Variants in NUMA1 observed in about 807,000 individuals in gnomAD.
The protein encoded by NUMA1 is nuclear mitotic apparatus protein 1.
Under a neutral mutation model 237.1 loss-of-function variants are expected in NUMA1, and 62 were observed. The observed-to-expected ratio is 0.26, with a 90% confidence interval of 0.21 to 0.32. NUMA1 has a LOEUF of 0.32. Ranked by LOEUF, NUMA1 falls within the 10% of genes least tolerant of loss-of-function variation. The pLI, the probability that NUMA1 is intolerant of heterozygous loss-of-function variation, is 1.00. For synonymous variants in NUMA1, 1,028 were observed against 1,066.1 expected (o/e 0.96, Z 0.70); for missense variants, 2,533 against 2,666.5 (o/e 0.95, Z 1.10).
chr11:72,013,640 G>C lies in NUMA1; in HGVS notation c.3863C>G (p.Ser1288Cys). Residue 1288 changes from serine (S) to cysteine (C), a missense_variant, in exon 15 of 27, where the codon TCT (serine) becomes TGT (cysteine). This residue lies in a region of NUMA1 where 324 missense variants were observed against 407.6 expected (regional missense o/e 0.79). Coordinates refer to ENST00000393695, the MANE Select transcript of NUMA1 (RefSeq NM_006185.4). The surrounding 1 kb of genome is among the most constrained non-coding windows in gnomAD (Gnocchi z 6.8). ...GCTCTGCACCTCCTCCCGCAGAGCA[G>C]AGCTGCGTTCTGCAGCTCTGGCACT... ...SNSARAAERSSALREEVQSLR... is the reference protein window; with the variant it reads ...SNSARAAERSCALREEVQSLR... The C allele has an allele frequency of 6.2e-7, 1 of 1,610,086 alleles. No individual in the cohort carries two copies. The highest frequency in any genetic ancestry group is 8.5e-7 in the Non-Finnish European group (1 of 1,179,968).
At chr11:72,069,487 C>T (rs1391100608) in intron 2 of NUMA1, among the ~76,000 whole-genome samples, 1 of 152,182 alleles carries the variant, frequency 6.6e-6, no homozygotes, top group Non-Finnish European at 1.5e-5. Context: ...CACTAAAGCA[C>T]ACCAAGAATG....
chr11:72,024,208 C>T, intron 5 of NUMA1, 66 bp downstream of exon 5: 1 of 1,457,508 alleles, frequency 6.9e-7, no homozygotes, highest in Non-Finnish European at 9.6e-7. Flanking sequence ...ACTAGTTCCT[C>T]TGGACTCTCC....
intron 1 of NUMA1, 39 bp downstream of exon 1, chr11:72,080,419 G>C (rs1391121379): frequency 6.6e-6 from 1 of 152,176 alleles, no homozygotes; most frequent in East Asian, 1.9e-4. Flanking sequence ...CCGCAGGGGT[G>C]CCCAGGCCGC....
Position 72,015,964 on chromosome 11 carries a change from G to A in NUMA1, c.1539C>T (p.Thr513=), listed in dbSNP as rs1463173513. The A allele has an allele frequency of 6.2e-7, 1 of 1,614,100 alleles. No homozygotes were observed. Among genetic ancestry groups the A allele is most frequent in the Non-Finnish European group, 8.5e-7 (1 of 1,180,018 alleles). The change falls in exon 15 of 27, where the codon ACC becomes ACT. Residue 513 remains threonine, a synonymous_variant. Coordinates refer to ENST00000393695, the MANE Select transcript of NUMA1 (RefSeq NM_006185.4). This position sits in a 1 kb window ranked among gnomAD's most constrained non-coding sequence, Gnocchi z 4.0. Reference sequence around the variant, plus strand: ...CCAGTTCTTGATCCTGTTGCTGGATGGTGGCATTGAGTGTGGTGAGCTCAG... The same window carrying A: ...CCAGTTCTTGATCCTGTTGCTGGATAGTGGCATTGAGTGTGGTGAGCTCAG... ...LTSELTTLNA[T]IQQQDQELAG...
intron 6 of NUMA1, among the ~76,000 whole-genome samples, chr11:72,022,816 G>A (rs1380467669): frequency 6.6e-6 from 1 of 152,112 alleles, no homozygotes; most frequent in Non-Finnish European, 1.5e-5. Flanking sequence ...GAGGCCCACA[G>A]TAATGGTCTA....
At chr11:72,061,485 C>CTTTTTT (rs767581846) in intron 2 of NUMA1, among the ~76,000 whole-genome samples, 14 of 117,322 alleles carry the variant, frequency 1.2e-4, no homozygotes, top group African/African-American at 4.2e-4. Flanking sequence ...TGTTTCTTTT[C>CTTTTTT]TTTTTTTTTT....
intron 17 of NUMA1, among the ~76,000 whole-genome samples, chr11:72,009,632 CTTT>C (rs1444906684): frequency 1.3e-5 from 2 of 152,234 alleles, no homozygotes; most frequent in African/African-American, 2.4e-5. Context: ...TCTTTGCCTT[CTTT>C]GAGACCAGAC....
chr11:72,043,227 C>A (rs986551366), intron 2 of NUMA1, among the ~76,000 whole-genome samples: 1 of 151,868 alleles, frequency 6.6e-6, no homozygotes, highest in Non-Finnish European at 1.5e-5. Context: ...TGGTGGGGCA[C>A]GGTGGCTCAC....
At chr11:72,035,526 G>A (rs1312554989) in intron 3 of NUMA1, among the ~76,000 whole-genome samples, 1 of 151,760 alleles carries the variant, frequency 6.6e-6, no homozygotes, top group African/African-American at 2.4e-5. Context: ...TCCGGCCTCA[G>A]CCTCCCGAGT....
Position 72,012,999 on chromosome 11 carries a change from C to A in NUMA1, c.4504G>T (p.Ala1502Ser). The part of the protein sequence containing the change: ...AEVQREAQST[A>S]RELEVMTAKY... ...GCAGTCATCACCTCCAGCTCCCGGGCAGTGCTCTGTGCTTCTCGCTGCACC... is the reference window on the plus strand; with the variant it reads ...GCAGTCATCACCTCCAGCTCCCGGGAAGTGCTCTGTGCTTCTCGCTGCACC... Residue 1502 changes from alanine (A) to serine (S), a missense_variant, in exon 15 of 27, where the codon GCC (alanine) becomes TCC (serine). This residue lies in a region of NUMA1 where 324 missense variants were observed against 407.6 expected (regional missense o/e 0.79). Transcript: ENST00000393695. 1 of 1,614,186 alleles carries A rather than the reference C, an allele frequency of 6.2e-7. No individual in the cohort carries two copies. Among genetic ancestry groups the A allele is most frequent in the Non-Finnish European group, 8.5e-7 (1 of 1,180,030 alleles).
rs567207656 is a variant in NUMA1, at chr11:72,031,947, T to C, written c.43-2657A>G. On this transcript the variant is annotated intron_variant, in intron 3 of 26. Transcript: ENST00000393695. ...GAGTTTGAGATCAGCCTAGGCAACATAGCAAGACCCTTTCCCCAAAAAATT... is the reference window on the plus strand; with the variant it reads ...GAGTTTGAGATCAGCCTAGGCAACACAGCAAGACCCTTTCCCCAAAAAATT... Among the ~76,000 whole-genome samples the C allele has an allele frequency of 1.4e-3, 187 of 138,296 alleles. 4 individuals carry two copies. The highest frequency in any genetic ancestry group is 1.0e-2 in the South Asian group (44 of 4,404). 90.7% of individuals were successfully genotyped at this position (138,296 alleles called of 152,430 possible). A position where few individuals can be genotyped will look rare whatever the true frequency, so the allele number is the denominator to read the frequency against.
chr11:72,051,558 C>T (rs1367998166), intron 2 of NUMA1, among the ~76,000 whole-genome samples: 1 of 151,152 alleles, frequency 6.6e-6, no homozygotes, highest in Non-Finnish European at 1.5e-5. Flanking sequence ...GCAACCTCCA[C>T]CTCCCAGGCT....
At position 72,007,881 on chromosome 11, in the gene NUMA1, C is replaced by T. The variant is rs147212340; in HGVS notation, c.5217-446G>A. 1.3e-4 allele frequency: 44 copies of T among 351,276 alleles called. No homozygotes were observed. The East Asian group carries it at 2.9e-3, about 23-fold the overall frequency. The allele number at this position is 351,276 out of a possible 1,614,324, so 21.8% of individuals were successfully genotyped here. ...CTGAACAGCTCCTAACCACACCCCACTCCATGCTCATGTCCTTTCCCTGGT... is the reference window on the plus strand; with the variant it reads ...CTGAACAGCTCCTAACCACACCCCATTCCATGCTCATGTCCTTTCCCTGGT... On this transcript the variant is annotated intron_variant, in intron 20 of 26. Coordinates refer to ENST00000393695, the MANE Select transcript of NUMA1 (RefSeq NM_006185.4).
In NUMA1 at chr11:72,018,192, A is replaced by G. The variant is rs1938166834; in HGVS notation, c.969T>C (p.Leu323=). Residue 323 remains leucine, a synonymous_variant, in exon 12 of 27, where the codon CTT becomes CTC. Transcript: ENST00000393695. ...INQLSEENGD[L]SFKLREFASH... ...CCACCTTAACACCCACCTTAAAGGAAAGGTCTCCATTCTCCTCCGAAAGCT... is the reference window on the plus strand; with the variant it reads ...CCACCTTAACACCCACCTTAAAGGAGAGGTCTCCATTCTCCTCCGAAAGCT... 1 of 1,612,806 alleles carries G rather than the reference A, an allele frequency of 6.2e-7. No homozygotes were observed. The highest frequency in any genetic ancestry group is 8.5e-7 in the Non-Finnish European group (1 of 1,178,750).
intron 2 of NUMA1, among the ~76,000 whole-genome samples, chr11:72,057,706 T>C (rs1158221631): frequency 1.1e-4 from 16 of 149,010 alleles, no homozygotes; most frequent in African/African-American, 4.0e-4. Context: ...ATTGCACCAC[T>C]GTACTCCAGC....
chr11:72,010,209 A>G (rs957488154), intron 17 of NUMA1, among the ~76,000 whole-genome samples: 2 of 152,232 alleles, frequency 1.3e-5, no homozygotes, highest in Non-Finnish European at 2.9e-5. Context: ...GTGAGTCCCA[A>G]TGCCACTGGT....
intron 1 of NUMA1, chr11:72,076,769 G>A (rs1943729081): frequency 6.6e-6 from 1 of 151,702 alleles, no homozygotes; most frequent in Non-Finnish European, 1.5e-5. Flanking sequence ...TGGAGAATAA[G>A]AGTAAAATCC....
chr11:72,021,516 G>A (rs1938821615), intron 7 of NUMA1, among the ~76,000 whole-genome samples: 1 of 152,196 alleles, frequency 6.6e-6, no homozygotes, highest in Non-Finnish European at 1.5e-5. Context: ...CTCCCCTCAA[G>A]ATGTACCGAA....
Position 72,014,217 on chromosome 11 carries a change from T to C in NUMA1, c.3286A>G (p.Lys1096Glu). 2 of 1,614,050 alleles carry C rather than the reference T, an allele frequency of 1.2e-6. No homozygotes were observed. The highest frequency in any genetic ancestry group is 1.7e-6 in the Non-Finnish European group (2 of 1,180,042). Residue 1096 changes from lysine to glutamate, a missense_variant, in exon 15 of 27, where the codon AAG (lysine) becomes GAG (glutamate). Lys to Glu is a moderately conservative substitution (Grantham distance 56). Coordinates refer to ENST00000393695, the MANE Select transcript of NUMA1 (RefSeq NM_006185.4). The surrounding 1 kb of genome is among the most constrained non-coding windows in gnomAD (Gnocchi z 4.6). ...TVKQLKEQLA[K>E]KEKEHASGSG... Reference sequence around the variant, plus strand: ...CCAGATGCGTGCTCCTTTTCTTTCTTAGCCAGCTGTTCCTTCAGTTGCTTC... The same window carrying C: ...CCAGATGCGTGCTCCTTTTCTTTCTCAGCCAGCTGTTCCTTCAGTTGCTTC...
Sources: allele counts gnomAD v4.1 joint callset (sites outside exome capture counted in the v4.1 genomes callset), GRCh38; gene constraint gnomAD v4.1.1; regional missense constraint gnomAD v4.1.1; non-coding constraint Gnocchi (gnomAD v3.1); transcripts MANE v1.5; gene names NCBI Gene and HGNC (gene_info 2026-07-23, HGNC 2026-07-21).